Variants in CLNK observed in about 807,000 individuals in gnomAD.
CLNK encodes the protein cytokine dependent hematopoietic cell linker.
In CLNK, 74 loss-of-function variants were observed where a neutral mutation model predicts 68.6. The ratio of observed to expected loss-of-function variants is 1.08; its 90% CI spans 0.89 to 1.31. The LOEUF is 1.31. CLNK is among the 50% of genes most tolerant of loss of function. The probability of loss-of-function intolerance (pLI) is 0.00; values close to 1 mark genes in which losing one functional copy is unlikely to be tolerated. For synonymous variants in CLNK, 198 were observed against 172.2 expected (o/e 1.15, Z -1.17); for missense variants, 553 against 515.3 (o/e 1.07, Z -0.71).
intron 8 of CLNK, among the ~76,000 whole-genome samples, chr4:10,551,766 G>T (rs1330265110): frequency 6.6e-6 from 1 of 151,998 alleles, no homozygotes; most frequent in East Asian, 1.9e-4. Flanking sequence ...AAATATTATT[G>T]GTTGAATTAT....
chr4:10,711,611 T>A, the CLNK span, among the ~76,000 whole-genome samples: 51 of 147,462 alleles, frequency 3.5e-4, no homozygotes, highest in African/African-American at 1.3e-3. Context: ...ATAAAAAAAC[T>A]TAAATATTGA....
chr4:10,519,126 C>T (rs951815928), intron 15 of CLNK, among the ~76,000 whole-genome samples: 1 of 152,116 alleles, frequency 6.6e-6, no homozygotes, highest in African/African-American at 2.4e-5. Flanking sequence ...AAACATTTCC[C>T]CATCCATCCC....
intron 8 of CLNK, among the ~76,000 whole-genome samples, chr4:10,544,003 A>T (rs1319831770): frequency 6.6e-6 from 1 of 152,202 alleles, no homozygotes; most frequent in Non-Finnish European, 1.5e-5. Flanking sequence ...CAAAATTATA[A>T]AACATAAAAT....
the CLNK span, among the ~76,000 whole-genome samples, chr4:10,728,980 A>T: frequency 6.6e-6 from 1 of 152,170 alleles, no homozygotes; most frequent in African/African-American, 2.4e-5. Flanking sequence ...ATCACTTTAT[A>T]CAGCAATTAA....
chr4:10,710,331 A>G, the CLNK span, among the ~76,000 whole-genome samples: 194 of 152,290 alleles, frequency 1.3e-3, no homozygotes, highest in African/African-American at 4.4e-3. Flanking sequence ...CAGGAGTCAC[A>G]CCAACCAGCG....
At chr4:10,732,627 C>T in the CLNK span, among the ~76,000 whole-genome samples, 1 of 151,742 alleles carries the variant, frequency 6.6e-6, no homozygotes, top group Admixed American at 6.6e-5. Flanking sequence ...AAAGACTAAA[C>T]TTGTAGAGGA....
intron 2 of CLNK, among the ~76,000 whole-genome samples, chr4:10,600,316 T>C (rs886578486): frequency 4.6e-5 from 7 of 152,252 alleles, no homozygotes; most frequent in African/African-American, 1.7e-4. Context: ...CATACCTCTC[T>C]ATGGCCATTC....
At chr4:10,690,880 A>G in the CLNK span, among the ~76,000 whole-genome samples, 9 of 150,984 alleles carry the variant, frequency 6.0e-5, no homozygotes, top group Non-Finnish European at 1.2e-4. Flanking sequence ...GGGAGCAGGT[A>G]GAGGCAGAGG....
upstream of CLNK, among the ~76,000 whole-genome samples, chr4:10,689,144 T>C (rs1011965931): frequency 2.6e-5 from 4 of 152,052 alleles, no homozygotes. Context: ...TTTCTTTTTT[T>C]TTTTCGGGGG....
chr4:10,536,759 T>G (rs2108805393), intron 11 of CLNK, among the ~76,000 whole-genome samples: 1 of 152,246 alleles, frequency 6.6e-6, no homozygotes, highest in Admixed American at 6.5e-5. Context: ...TCCAGCACAA[T>G]TCTCATCACA....
the CLNK span, among the ~76,000 whole-genome samples, chr4:10,699,367 C>G: frequency 5.3e-4 from 34 of 64,522 alleles, 1 homozygote; most frequent in Non-Finnish European, 7.5e-4. Flanking sequence ...CACAGTCATC[C>G]TTCCTATTTG....
At chr4:10,723,063 C>G in the CLNK span, among the ~76,000 whole-genome samples, 8 of 151,906 alleles carry the variant, frequency 5.3e-5, no homozygotes, top group Non-Finnish European at 7.4e-5. Flanking sequence ...AACAACCCCT[C>G]TAGACATTTC....
intron 16 of CLNK, among the ~76,000 whole-genome samples, chr4:10,512,334 G>A (rs948183895): frequency 3.4e-4 from 51 of 151,938 alleles, no homozygotes; most frequent in African/African-American, 1.2e-3. Context: ...AGGTTCAAGC[G>A]ATTCTTCTGC....
intron 1 of CLNK, among the ~76,000 whole-genome samples, chr4:10,681,893 A>G (rs947023990): frequency 1.3e-5 from 2 of 152,172 alleles, no homozygotes; most frequent in Non-Finnish European, 2.9e-5. Context: ...CGTTTTGTAA[A>G]GTAAGAATTA....
the CLNK span, among the ~76,000 whole-genome samples, chr4:10,727,994 C>G: frequency 6.6e-6 from 1 of 152,132 alleles, no homozygotes; most frequent in Non-Finnish European, 1.5e-5. Flanking sequence ...TAGAGGTACA[C>G]ATGGATAGAC....
rs1716419223 is a variant in CLNK, at chr4:10,487,831, C to T, written c.*2636G>A. On this transcript the variant is annotated 3_prime_UTR_variant, in exon 19 of 19. Transcript: ENST00000226951. ...TTTCTCCTCACTCCCCACACCTCCC[C>T]TCTTCCCTCTCACAGGTGGGAGCCT... is the stretch of plus-strand genomic sequence containing the variant. 1 of 152,120 alleles carries T rather than the reference C, an allele frequency of 6.6e-6. No individual in the cohort carries two copies. Among genetic ancestry groups the T allele is most frequent in the African/African-American group, 2.4e-5 (1 of 41,390 alleles). 9.4% of individuals were successfully genotyped at this position (152,120 alleles called of 1,614,324 possible).
intron 2 of CLNK, among the ~76,000 whole-genome samples, chr4:10,666,093 G>T (rs1373438378): frequency 6.6e-6 from 1 of 152,182 alleles, no homozygotes; most frequent in Non-Finnish European, 1.5e-5. Context: ...GAGTGATGCG[G>T]CCACGGGCAA....
chr4:10,566,085 A>G lies in CLNK; in HGVS notation c.216T>C (p.Pro72=), dbSNP rs190503741. The G allele has an allele frequency of 8.4e-5, 136 of 1,613,892 alleles. No individual in the cohort carries two copies. The East Asian group carries it at 2.9e-3, about 34-fold the overall frequency. Residue 72 remains proline, a synonymous_variant, in exon 6 of 19, where the codon CCT becomes CCC. Coordinates refer to ENST00000226951, the MANE Select transcript of CLNK (RefSeq NM_052964.4). ...GCCATGTCTCTTCCATCCGAAGCTCAGGGTCATCATAGTCATCATCACTGT... is the reference window on the plus strand; with the variant it reads ...GCCATGTCTCTTCCATCCGAAGCTCGGGGTCATCATAGTCATCATCACTGT... The part of the protein sequence containing the change: ...KGHSDDDYDD[P]ELRMEETWQS...
At chr4:10,666,558 T>C (rs4697772) in intron 2 of CLNK, among the ~76,000 whole-genome samples, 122,881 of 152,144 alleles carry the variant, frequency 0.81, 50,066 homozygotes, top group Non-Finnish European at 0.87. Flanking sequence ...TCCAGCTCCA[T>C]CTTCATCTCA....
Sources: allele counts gnomAD v4.1 joint callset (sites outside exome capture counted in the v4.1 genomes callset), GRCh38; gene constraint gnomAD v4.1.1; transcripts MANE v1.5; gene names NCBI Gene and HGNC (gene_info 2026-07-23, HGNC 2026-07-21).